CNTN4: variants seen among roughly 807,000 people sequenced by gnomAD.
The protein encoded by CNTN4 is contactin-4.
CNTN4 carries 77 observed loss-of-function variants against 122.5 expected under a neutral mutation model. The observed-to-expected ratio is 0.63, with a 90% CI of 0.52 to 0.76. The LOEUF (loss-of-function observed/expected upper bound fraction) is 0.76, where lower values mean the gene tolerates loss of function less well. CNTN4 is among the 30% of genes least tolerant of loss of function. The pLI, the probability that CNTN4 is intolerant of heterozygous loss-of-function variation, is 0.00. For missense variants in CNTN4, 1,256 were observed against 1,259.1 expected (o/e 1.00, Z 0.04); for synonymous variants, 512 against 447.0 (o/e 1.15, Z -1.83).
At chr3:2,542,594 G>A (rs2078077442) in intron 3 of CNTN4, among the ~76,000 whole-genome samples, 1 of 152,130 alleles carries the variant, frequency 6.6e-6, no homozygotes, top group African/African-American at 2.4e-5. Flanking sequence ...GAGAGCTCTG[G>A]AAGGTTTATA....
At chr3:2,497,761 G>A (rs1010144385) in intron 3 of CNTN4, among the ~76,000 whole-genome samples, 2 of 151,986 alleles carry the variant, frequency 1.3e-5, no homozygotes, top group Non-Finnish European at 2.9e-5. Context: ...CCCTTATAGA[G>A]CACTTAACAG....
chr3:2,106,943 A>G (rs572548040), intron 2 of CNTN4, among the ~76,000 whole-genome samples: 1 of 152,352 alleles, frequency 6.6e-6, no homozygotes, highest in African/African-American at 2.4e-5. Context: ...CTCTTTGCTA[A>G]AGCATAGCAA....
At chr3:2,924,209 G>A (rs77684157) in intron 12 of CNTN4, among the ~76,000 whole-genome samples, 1 of 152,052 alleles carries the variant, frequency 6.6e-6, no homozygotes, top group Non-Finnish European at 1.5e-5. Flanking sequence ...CACAACAAAA[G>A]AATGTAATCA....
chr3:3,020,599 C>T (rs1026483724), intron 14 of CNTN4, among the ~76,000 whole-genome samples: 4 of 152,150 alleles, frequency 2.6e-5, no homozygotes, highest in Non-Finnish European at 4.4e-5. Context: ...ACCTGAATAC[C>T]TCCAGAAATG....
rs539212793 is a variant in CNTN4 at position 2,668,930 on chromosome 3, A to G, written c.56-67285A>G. 1.2e-3 allele frequency among the ~76,000 whole-genome samples: 182 copies of G among 152,338 alleles called. 1 individual carries two copies. Among genetic ancestry groups the G allele is most frequent in the Middle Eastern group, 3.4e-3 (1 of 294 alleles). On this transcript the variant is annotated intron_variant, in intron 4 of 24. Transcript: ENST00000418658. The stretch of plus-strand genomic sequence containing the variant: ...ATATGTTGAACCAGCCTTGCATCAT[A>G]GGGATGAAGCCCACTTGATCATGGT...
At chr3:2,988,932 A>G (rs779893896) in intron 14 of CNTN4, 1 of 198,364 alleles carries the variant, frequency 5.0e-6, no homozygotes, top group Non-Finnish European at 1.1e-5. Flanking sequence ...GGCTTATTAT[A>G]CTAATAGAAG....
intron 4 of CNTN4, among the ~76,000 whole-genome samples, chr3:2,598,735 A>G (rs1473755877): frequency 2.0e-5 from 3 of 152,210 alleles, no homozygotes; most frequent in Non-Finnish European, 4.4e-5. Flanking sequence ...AGCCTTCGCA[A>G]ATCAGTTCAG....
At chr3:2,937,574 G>A (rs190217052) in intron 13 of CNTN4, among the ~76,000 whole-genome samples, 8 of 152,282 alleles carry the variant, frequency 5.3e-5, no homozygotes, top group Admixed American at 1.3e-4. Flanking sequence ...GTCTAGTTCC[G>A]TTGGGGAAGG....
At chr3:2,249,965 G>A (rs1427687064) in intron 2 of CNTN4, among the ~76,000 whole-genome samples, 2 of 151,752 alleles carry the variant, frequency 1.3e-5, no homozygotes, top group Admixed American at 6.6e-5. Flanking sequence ...AGAAATGGAT[G>A]TAAAGCAGTG....
chr3:2,761,797 A>G (rs2090604376), intron 6 of CNTN4, among the ~76,000 whole-genome samples: 1 of 152,186 alleles, frequency 6.6e-6, no homozygotes, highest in South Asian at 2.1e-4. Flanking sequence ...ATTCAAGGTC[A>G]GTAATCACCT....
intron 2 of CNTN4, among the ~76,000 whole-genome samples, chr3:2,180,513 G>C (rs1290138416): frequency 1.3e-5 from 2 of 152,130 alleles, no homozygotes; most frequent in East Asian, 1.9e-4. Context: ...CTAGTAAGAG[G>C]ATTTTACTTC....
At chr3:2,722,184 G>A (rs1271410620) in intron 4 of CNTN4, among the ~76,000 whole-genome samples, 1 of 152,134 alleles carries the variant, frequency 6.6e-6, no homozygotes, top group East Asian at 1.9e-4. Flanking sequence ...TCCCTTTCTT[G>A]ATATACTTAA....
intron 3 of CNTN4, among the ~76,000 whole-genome samples, chr3:2,391,625 A>G (rs1240110386): frequency 6.6e-6 from 1 of 152,208 alleles, no homozygotes; most frequent in African/African-American, 2.4e-5. Flanking sequence ...AGGATGAAAC[A>G]GACGTGATGT....
chr3:2,296,020 C>T (rs112769326), intron 2 of CNTN4, among the ~76,000 whole-genome samples: 14,552 of 152,152 alleles, frequency 0.096, 759 homozygotes, highest in Non-Finnish European at 0.12. Flanking sequence ...GGGCTCTGTT[C>T]TGTTCCATTG....
intron 3 of CNTN4, among the ~76,000 whole-genome samples, chr3:2,461,971 A>G (rs989338463): frequency 3.9e-5 from 6 of 152,176 alleles, no homozygotes; most frequent in South Asian, 2.1e-4. Context: ...CTCCCACTCC[A>G]GGAGCATGTG....
chr3:2,978,511 G>A (rs1693638137), intron 13 of CNTN4, among the ~76,000 whole-genome samples: 1 of 152,220 alleles, frequency 6.6e-6, no homozygotes, highest in Non-Finnish European at 1.5e-5. Context: ...GGGATATGTT[G>A]CCAGTATTGC....
intron 4 of CNTN4, among the ~76,000 whole-genome samples, chr3:2,668,981 G>A (rs1446176912): frequency 6.6e-6 from 1 of 152,068 alleles, no homozygotes. Context: ...TGTGCTGCTG[G>A]ATTCGGTTTG....
intron 13 of CNTN4, 44 bp from the exon 14 acceptor site, chr3:2,988,301 T>G: frequency 6.3e-7 from 1 of 1,589,444 alleles, no homozygotes; most frequent in Non-Finnish European, 8.6e-7. Flanking sequence ...ATAGGTCATA[T>G]GAGATAAATT....
chr3:2,505,850 G>A (rs1212460760), intron 3 of CNTN4, among the ~76,000 whole-genome samples: 8 of 152,172 alleles, frequency 5.3e-5, no homozygotes, highest in Admixed American at 4.6e-4. Context: ...TGATTTACGT[G>A]TGTTCTAAAA....
Sources: gnomAD v4.1 joint callset for allele counts (sites outside exome capture counted in the v4.1 genomes callset) on GRCh38, gnomAD v4.1.1 for gene constraint, MANE v1.5 for transcripts, NCBI Gene and HGNC (gene_info 2026-07-23, HGNC 2026-07-21) for gene names.